Variants in CCDC171 observed in about 807,000 individuals in gnomAD.
The protein encoded by CCDC171 is coiled-coil domain-containing protein 171.
Under a neutral mutation model 168.2 loss-of-function variants are expected in CCDC171, and 177 were observed. The ratio of observed to expected loss-of-function variants is 1.05; its 90% CI spans 0.93 to 1.19. CCDC171 has a LOEUF of 1.19. Ranked by LOEUF, CCDC171 falls within the 50% of genes most tolerant of loss-of-function variation. The probability of loss-of-function intolerance (pLI) is 0.00; values close to 1 mark genes in which losing one functional copy is unlikely to be tolerated. For missense variants in CCDC171, 1,991 were observed against 1,539.0 expected, an observed-to-expected ratio of 1.29 and a Z score of -4.91; for synonymous variants, 687 against 540.8, an observed-to-expected ratio of 1.27 and a Z score of -3.75.
chr9:15,774,897 TA>T (rs1391701887), intron 18 of CCDC171, among the ~76,000 whole-genome samples: 1 of 152,206 alleles, frequency 6.6e-6, no homozygotes. Context: ...ATGTGGGAGC[TA>T]AGCTATGAGG....
chr9:15,891,995 A>C (rs1820278030), intron 24 of CCDC171, among the ~76,000 whole-genome samples: 2 of 152,148 alleles, frequency 1.3e-5, no homozygotes, highest in Non-Finnish European at 2.9e-5. Flanking sequence ...CCAATCCCCC[A>C]TCTTTTTCTT....
intron 25 of CCDC171, among the ~76,000 whole-genome samples, chr9:15,925,892 G>A (rs1825841363): frequency 6.6e-6 from 1 of 151,334 alleles, no homozygotes; most frequent in South Asian, 2.1e-4. Context: ...ACACGTCTCT[G>A]TGTTCCTTAT....
chr9:15,996,727 G>A (rs1397323120), intron 3 of CCDC171, among the ~76,000 whole-genome samples: 3 of 152,124 alleles, frequency 2.0e-5, no homozygotes, highest in African/African-American at 7.2e-5. Context: ...ATTATTATTA[G>A]CTCTGAGAAT....
At chr9:16,080,478 T>G in the CCDC171 span, among the ~76,000 whole-genome samples, 21 of 152,348 alleles carry the variant, frequency 1.4e-4, no homozygotes, top group South Asian at 4.3e-3. Context: ...CTCTAAAATA[T>G]TGAATCATGC....
chr9:15,860,518 C>T (rs957557896), intron 23 of CCDC171, among the ~76,000 whole-genome samples: 5 of 151,568 alleles, frequency 3.3e-5, no homozygotes, highest in South Asian at 2.1e-4. Context: ...TTTCTTATGC[C>T]GCTGGTTGTT....
intron 16 of CCDC171, among the ~76,000 whole-genome samples, chr9:15,742,726 A>G (rs1048228301): frequency 1.3e-5 from 2 of 152,210 alleles, no homozygotes; most frequent in African/African-American, 4.8e-5. Flanking sequence ...GAATATCTCT[A>G]TCATAGCATT....
At chr9:15,561,088 T>A (rs562870168) in intron 1 of CCDC171, among the ~76,000 whole-genome samples, 64 of 152,322 alleles carry the variant, frequency 4.2e-4, no homozygotes, top group African/African-American at 1.3e-3. Context: ...AGCTACAGAC[T>A]GGAGCTGTTC....
chr9:15,568,589 T>C, intron 2 of CCDC171, among the ~76,000 whole-genome samples: 1 of 152,166 alleles, frequency 6.6e-6, no homozygotes, highest in East Asian at 1.9e-4. Context: ...GACTTTTTGA[T>C]AATGGCCATT....
intron 16 of CCDC171, among the ~76,000 whole-genome samples, chr9:15,734,737 A>G (rs778024072): frequency 4.6e-5 from 7 of 152,096 alleles, no homozygotes; most frequent in Non-Finnish European, 1.0e-4. Flanking sequence ...GATTAATTCT[A>G]TATCTTTTAC....
intron 24 of CCDC171, among the ~76,000 whole-genome samples, chr9:15,918,573 C>T (rs1044013819): frequency 6.6e-6 from 1 of 151,540 alleles, no homozygotes; most frequent in Non-Finnish European, 1.5e-5. Context: ...TTTTGAGATG[C>T]AGAGATATAG....
rs1281182156 is a variant in CCDC171 at position 16,058,862 on chromosome 9, C to G, written n.90-1784C>G. ...GCAGGATTGACCCTGGGAAAACAAT[C>G]CCAGCGTAAGCTCAAGTGTTTGAAT... On this transcript the variant is annotated intron_variant and non_coding_transcript_variant, in intron 1 of 1. Transcript: ENST00000478913. 3.9e-5 allele frequency among the ~76,000 whole-genome samples: 6 copies of G among 152,214 alleles called. No homozygotes were observed. In the East Asian group the frequency reaches 5.8e-4, roughly 15 times the overall value.
chr9:15,733,852 T>C, intron 16 of CCDC171, among the ~76,000 whole-genome samples: 1 of 152,160 alleles, frequency 6.6e-6, no homozygotes, highest in East Asian at 1.9e-4. Context: ...CACTGCAGCC[T>C]TAACCTCCTG....
chr9:15,678,646 T>A (rs1295854095), intron 9 of CCDC171, 112 bp from the exon 10 acceptor site: 1 of 818,928 alleles, frequency 1.2e-6, no homozygotes, highest in African/African-American at 1.8e-5. Context: ...TTAAAAAGTC[T>A]TTTAGCATGA....
downstream of CCDC171, among the ~76,000 whole-genome samples, chr9:16,062,255 A>T (rs1024928877): frequency 2.6e-5 from 4 of 152,204 alleles, no homozygotes; most frequent in African/African-American, 9.7e-5. Context: ...TTGCAGCAAC[A>T]TGAATGGAGC....
intron 3 of CCDC171, among the ~76,000 whole-genome samples, chr9:16,007,696 C>A (rs1832748017): frequency 6.6e-6 from 1 of 152,182 alleles, no homozygotes; most frequent in South Asian, 2.1e-4. Context: ...GGAATCCTTT[C>A]CCCATTGCTT....
At chr9:15,965,182 C>G (rs1433754789) in intron 25 of CCDC171, among the ~76,000 whole-genome samples, 1 of 152,170 alleles carries the variant, frequency 6.6e-6, no homozygotes, top group Non-Finnish European at 1.5e-5. Flanking sequence ...TCCATGAGAT[C>G]TATGTATTTA....
At position 15,995,916 on chromosome 9, in the gene CCDC171, G is replaced by A. The variant is rs537313892; in HGVS notation, n.369-24673G>A. ...TTCAATACACAATCCAGATCTTCAT[G>A]TATAGCTTTGTGCAGTGTTTTTCTA... On this transcript the variant is annotated intron_variant and non_coding_transcript_variant, in intron 3 of 9. Coordinates refer to the CCDC171 transcript ENST00000486641. 8.5e-5 allele frequency among the ~76,000 whole-genome samples: 13 copies of A among 152,296 alleles called. No individual in the cohort carries two copies. In the East Asian group the frequency reaches 2.3e-3, roughly 27 times the overall value.
At chr9:16,015,471 T>A (rs1165599706) in intron 3 of CCDC171, among the ~76,000 whole-genome samples, 1 of 152,200 alleles carries the variant, frequency 6.6e-6, no homozygotes, top group Non-Finnish European at 1.5e-5. Flanking sequence ...ATTGTTATTG[T>A]TCTTGTCATG....
At chr9:15,788,331 A>C (rs1038397483) in intron 21 of CCDC171, among the ~76,000 whole-genome samples, 1 of 152,230 alleles carries the variant, frequency 6.6e-6, no homozygotes, top group Non-Finnish European at 1.5e-5. Context: ...TTAAGATTCT[A>C]TTTGAAAAGC....
Sources: gnomAD v4.1 joint callset for allele counts (sites outside exome capture counted in the v4.1 genomes callset) on GRCh38, gnomAD v4.1.1 for gene constraint, MANE v1.5 for transcripts, NCBI Gene and HGNC (gene_info 2026-07-23, HGNC 2026-07-21) for gene names.